The following CPNE5 variants were observed in gnomAD, a reference collection of about 807,000 sequenced individuals.
CPNE5 encodes the protein copine 5, also known as copine-5.
Under a neutral mutation model 81.1 loss-of-function variants are expected in CPNE5, and 42 were observed. That is an observed-to-expected ratio of 0.52 (90% CI 0.40 to 0.67). CPNE5 has a LOEUF of 0.67. Among genes scored for constraint, CPNE5 ranks in the 30% least tolerant of loss-of-function variants. CPNE5 has a pLI of 0.00. For missense variants in CPNE5, 612 were observed against 815.5 expected, an observed-to-expected ratio of 0.75 and a Z score of 3.04; for synonymous variants, 313 against 321.5, an observed-to-expected ratio of 0.97 and a Z score of 0.28.
rs151334833 is a variant in CPNE5, at chr6:36,790,869, A to T, written c.528+1164T>A. Among the ~76,000 whole-genome samples the T allele has an allele frequency of 2.6e-5, 4 of 152,324 alleles. No homozygotes were observed. The East Asian group carries it at 7.7e-4, about 29-fold the overall frequency. On this transcript the variant is annotated intron_variant, in intron 8 of 20. Transcript: ENST00000244751. ...CAAAAAAAATGCGTTATTTATGTTG[A>T]CCCATAATGGGTTCAACTATTGTTA...
intron 10 of CPNE5, among the ~76,000 whole-genome samples, chr6:36,773,572 G>A (rs1385428045): frequency 6.6e-6 from 1 of 152,194 alleles, no homozygotes; most frequent in East Asian, 1.9e-4. Flanking sequence ...AACATTTGTG[G>A]ATGAGATGCT....
intron 9 of CPNE5, among the ~76,000 whole-genome samples, chr6:36,777,712 C>G (rs1265497030): frequency 6.6e-6 from 1 of 151,236 alleles, no homozygotes; most frequent in African/African-American, 2.4e-5. Flanking sequence ...TCAGTTTTCC[C>G]TTGAACTGAA....
chr6:36,814,361 G>A (rs975283763), intron 3 of CPNE5, among the ~76,000 whole-genome samples: 32 of 152,146 alleles, frequency 2.1e-4, no homozygotes, highest in African/African-American at 7.2e-4. Context: ...TCCATAAACT[G>A]TAACAACGGA....
chr6:36,831,949 T>C (rs954012625), intron 1 of CPNE5, among the ~76,000 whole-genome samples: 1 of 152,224 alleles, frequency 6.6e-6, no homozygotes, highest in East Asian at 1.9e-4. Flanking sequence ...ACTTTCAGTG[T>C]CCTGGCCAGG....
At chr6:36,768,166 G>A (rs901602646) in intron 10 of CPNE5, among the ~76,000 whole-genome samples, 3 of 150,750 alleles carry the variant, frequency 2.0e-5, no homozygotes, top group Non-Finnish European at 4.4e-5. Context: ...AGTGCCCAGA[G>A]ACAGGGGGAA....
chr6:36,808,096 T>A (rs1466262306), intron 3 of CPNE5, among the ~76,000 whole-genome samples: 1 of 133,720 alleles, frequency 7.5e-6, no homozygotes, highest in Non-Finnish European at 1.6e-5. Context: ...CTTTTCTTTT[T>A]TCTTTTTTTT....
At chr6:36,823,303 G>C (rs57421065) in intron 1 of CPNE5, among the ~76,000 whole-genome samples, 1 of 152,146 alleles carries the variant, frequency 6.6e-6, no homozygotes, top group Non-Finnish European at 1.5e-5. Flanking sequence ...AAGGTGTGCA[G>C]AACTCCCTAC....
chr6:36,768,654 C>T (rs767093613), intron 10 of CPNE5, among the ~76,000 whole-genome samples: 6 of 152,210 alleles, frequency 3.9e-5, no homozygotes, highest in Non-Finnish European at 8.8e-5. Context: ...AGCTGCGGTC[C>T]AGCTGACTGT....
intron 11 of CPNE5, among the ~76,000 whole-genome samples, 183 bp downstream of exon 11, chr6:36,765,152 G>A (rs1456890725): frequency 6.6e-6 from 1 of 152,124 alleles, no homozygotes; most frequent in Non-Finnish European, 1.5e-5. Context: ...GGAGCTGGAT[G>A]GGGAGGAGCT....
At chr6:36,771,594 G>A (rs987678044) in intron 10 of CPNE5, among the ~76,000 whole-genome samples, 2 of 152,206 alleles carry the variant, frequency 1.3e-5, no homozygotes, top group Admixed American at 6.5e-5. Context: ...CTAAGAGGGA[G>A]GCTTGGGTCA....
At chr6:36,823,662 A>G (rs1414160426) in intron 1 of CPNE5, among the ~76,000 whole-genome samples, 1 of 152,154 alleles carries the variant, frequency 6.6e-6, no homozygotes, top group South Asian at 2.1e-4. Context: ...TCTGATAATC[A>G]GACTGGACGG....
intron 3 of CPNE5, among the ~76,000 whole-genome samples, chr6:36,806,032 G>A (rs1477464306): frequency 6.6e-6 from 1 of 152,180 alleles, no homozygotes; most frequent in Non-Finnish European, 1.5e-5. Context: ...CCCAGAGCAG[G>A]GCTGAGGTTG....
At chr6:36,812,212 T>A (rs147507537) in intron 3 of CPNE5, among the ~76,000 whole-genome samples, 324 of 152,338 alleles carry the variant, frequency 2.1e-3, no homozygotes, top group African/African-American at 7.3e-3. Context: ...GCTCTGCCAC[T>A]TCCTAGCTGT....
At chr6:36,811,742 G>A (rs1771120035) in intron 3 of CPNE5, among the ~76,000 whole-genome samples, 1 of 152,094 alleles carries the variant, frequency 6.6e-6, no homozygotes, top group South Asian at 2.1e-4. Flanking sequence ...GGAGGAAAGG[G>A]AGGCAGGGGC....
intron 20 of CPNE5, chr6:36,743,183 G>T: frequency 2.0e-6 from 2 of 985,418 alleles, no homozygotes; most frequent in Non-Finnish European, 2.4e-6. Context: ...GGGGATGAGT[G>T]GGGGAAGTGC....
intron 11 of CPNE5, among the ~76,000 whole-genome samples, 194 bp from the exon 12 acceptor site, chr6:36,763,186 C>T (rs766688193): frequency 5.3e-5 from 8 of 152,238 alleles, no homozygotes; most frequent in East Asian, 1.9e-4. Flanking sequence ...ACCCAATTGT[C>T]ACCCAGTAAA....
chr6:36,822,001 G>A (rs1368153144), intron 3 of CPNE5, 113 bp downstream of exon 3: 14 of 936,516 alleles, frequency 1.5e-5, no homozygotes, highest in Middle Eastern at 2.3e-4. Flanking sequence ...AGCCTTCAGC[G>A]GGGCTTGGAT....
Position 36,807,692 on chromosome 6 carries a change from G to A in CPNE5, c.184-7622C>T, listed in dbSNP as rs148900845. On this transcript the variant is annotated intron_variant, in intron 3 of 20. Coordinates refer to ENST00000244751, the MANE Select transcript of CPNE5 (RefSeq NM_020939.2). ...GGTCTCCCGAAAGCCCTAGCTCTCA[G>A]TGGTTGCTCTCTAGATATCTTCTGT... 5.1e-4 allele frequency among the ~76,000 whole-genome samples: 77 copies of A among 152,298 alleles called. 1 individual carries two copies. The East Asian group carries it at 0.013, about 26-fold the overall frequency.
At chr6:36,784,833 C>G (rs1201405379) in intron 8 of CPNE5, among the ~76,000 whole-genome samples, 1 of 151,708 alleles carries the variant, frequency 6.6e-6, no homozygotes, top group Non-Finnish European at 1.5e-5. Flanking sequence ...GTCCCAGCTA[C>G]TCAGGAGGCT....
Sources: allele counts gnomAD v4.1 joint callset (sites outside exome capture counted in the v4.1 genomes callset), GRCh38; gene constraint gnomAD v4.1.1; transcripts MANE v1.5; gene names NCBI Gene and HGNC (gene_info 2026-07-23, HGNC 2026-07-21).